The following GFRA2 variants were observed in gnomAD, a reference collection of about 807,000 sequenced individuals.
The protein encoded by GFRA2 is GDNF family receptor alpha 2.
Under a neutral mutation model 48.3 loss-of-function variants are expected in GFRA2, and 17 were observed. The observed-to-expected ratio is 0.35, with a 90% CI of 0.24 to 0.53. The LOEUF (loss-of-function observed/expected upper bound fraction) is 0.53. GFRA2 is among the 20% of genes least tolerant of loss of function. The probability of loss-of-function intolerance (pLI) is 0.93; values close to 1 mark genes in which losing one functional copy is unlikely to be tolerated. For synonymous variants in GFRA2, 305 were observed against 257.2 expected (o/e 1.19, Z -1.78); for missense variants, 660 against 637.3 (o/e 1.04, Z -0.38).
chr8:21,700,397 G>A (rs932985168), intron 7 of GFRA2, among the ~76,000 whole-genome samples: 4 of 152,184 alleles, frequency 2.6e-5, no homozygotes, highest in African/African-American at 2.4e-5. Flanking sequence ...CTAAGACATC[G>A]GCCACAGGGC....
At chr8:21,787,632 G>C (rs1266785536) in intron 1 of GFRA2, among the ~76,000 whole-genome samples, 3 of 152,200 alleles carry the variant, frequency 2.0e-5, no homozygotes, top group Admixed American at 6.5e-5. Context: ...GTCCAAGCGG[G>C]AGCCGCCGGA....
Position 21,772,165 on chromosome 8 carries a change from T to A in GFRA2, c.439+2807A>T, listed in dbSNP as rs1035134560. Among the ~76,000 whole-genome samples the A allele has an allele frequency of 1.8e-3, 269 of 152,298 alleles. 1 individual carries two copies. The highest frequency in any genetic ancestry group is 6.0e-3 in the African/African-American group (248 of 41,572). ...CTCATGTCCTCATTCAGACAGAAGA[T>A]CTGGCACATGAAATGAGCCTACCCA... is the stretch of plus-strand genomic sequence containing the variant. On this transcript the variant is annotated intron_variant, in intron 3 of 8. Coordinates refer to ENST00000524240, the MANE Select transcript of GFRA2 (RefSeq NM_001495.5).
At chr8:21,778,143 G>A (rs79855431) in intron 2 of GFRA2, among the ~76,000 whole-genome samples, 6,429 of 152,246 alleles carry the variant, frequency 0.042, 330 homozygotes, top group East Asian at 0.2. Context: ...TACACACATC[G>A]CTCCTCTCAG....
In GFRA2 at chr8:21,788,781, T is replaced by C. The variant is rs1452911246; in HGVS notation, c.-622A>G. 120 of 985,334 alleles carry C rather than the reference T, an allele frequency of 1.2e-4. No individual in the cohort carries two copies. Among genetic ancestry groups the C allele is most frequent in the Non-Finnish European group, 1.4e-4 (118 of 829,956 alleles). The allele number at this position is 985,334 out of a possible 1,614,324, so 61.0% of individuals were successfully genotyped here. A position where few individuals can be genotyped will look rare whatever the true frequency, so the allele number is the denominator to read the frequency against. ...TCACTTTTTTCTAATGGAATTCCAG[T>C]GACCGTGTGTCTCTGCGTGCGTGTG... is the stretch of plus-strand genomic sequence containing the variant. On this transcript the variant is annotated 5_prime_UTR_variant, in exon 1 of 9. Coordinates refer to ENST00000524240, the MANE Select transcript of GFRA2 (RefSeq NM_001495.5).
intron 4 of GFRA2, among the ~76,000 whole-genome samples, chr8:21,717,691 G>A (rs189601456): frequency 6.6e-6 from 1 of 152,190 alleles, no homozygotes; most frequent in Non-Finnish European, 1.5e-5. Flanking sequence ...AAGTGGCTGA[G>A]ACAGAAAAGC....
At chr8:21,800,552 G>A (rs1281710851) in intron 2 of GFRA2, among the ~76,000 whole-genome samples, 1 of 152,180 alleles carries the variant, frequency 6.6e-6, no homozygotes, top group Non-Finnish European at 1.5e-5. Flanking sequence ...TGTAGGATCT[G>A]GGCTTCTGTG....
At chr8:21,790,363 A>T (rs894614265), upstream of GFRA2, among the ~76,000 whole-genome samples, 22 of 152,252 alleles carry the variant, frequency 1.4e-4, no homozygotes, top group Admixed American at 6.5e-4. Flanking sequence ...GGCTGCACGT[A>T]ACATGAATTT....
intron 4 of GFRA2, among the ~76,000 whole-genome samples, chr8:21,730,772 C>G (rs1314139638): frequency 2.6e-5 from 4 of 152,216 alleles, no homozygotes; most frequent in Non-Finnish European, 4.4e-5. Flanking sequence ...GCAGCACGTG[C>G]TTTATTAATG....
chr8:21,769,376 G>A (rs978542588), intron 3 of GFRA2: 1 of 153,124 alleles, frequency 6.5e-6, no homozygotes, highest in Admixed American at 6.6e-5. Flanking sequence ...CAATTGCTTA[G>A]CACCTCCTGC....
rs939327476 is a variant in GFRA2, at chr8:21,713,070, G to A, written c.795-7029C>T. On this transcript the variant is annotated intron_variant, in intron 4 of 8. Coordinates refer to ENST00000524240, the MANE Select transcript of GFRA2 (RefSeq NM_001495.5). The stretch of plus-strand genomic sequence containing the variant: ...GGGAGAGGGAGACGAGGGAAAGGGA[G>A]AGGGAGAGGGAGAGGCAGAGGGAGA... Among the ~76,000 whole-genome samples, 13 of 147,630 alleles carry A rather than the reference G, an allele frequency of 8.8e-5. No individual in the cohort carries two copies. In the East Asian group the frequency reaches 2.3e-3, roughly 26 times the overall value.
chr8:21,744,777 C>T (rs1161635191), intron 4 of GFRA2, among the ~76,000 whole-genome samples: 1 of 152,192 alleles, frequency 6.6e-6, no homozygotes, highest in Non-Finnish European at 1.5e-5. Flanking sequence ...AACGTCTCTC[C>T]TGACCTATCC....
At position 21,810,415 on chromosome 8, in the gene GFRA2, T is replaced by C. The variant is rs559643046; in HGVS notation, c.-148+1816A>G. 2.6e-5 allele frequency among the ~76,000 whole-genome samples: 4 copies of C among 152,324 alleles called. No individual in the cohort carries two copies. The South Asian group carries it at 8.3e-4, about 32-fold the overall frequency. On this transcript the variant is annotated intron_variant, in intron 1 of 10. Transcript: ENST00000517328. ...ACAGTCCCGTCAAGTCCTCCCCTCC[T>C]GGACAGAGTCCTTCCTGGGCTTTTG... is the stretch of plus-strand genomic sequence containing the variant.
chr8:21,710,043 G>A (rs1802939961), intron 4 of GFRA2, among the ~76,000 whole-genome samples: 1 of 152,222 alleles, frequency 6.6e-6, no homozygotes, highest in Admixed American at 6.5e-5. Context: ...GGTGGGGCTG[G>A]CCAGAGGGAC....
At chr8:21,731,422 C>G (rs890083667) in intron 4 of GFRA2, among the ~76,000 whole-genome samples, 1 of 152,186 alleles carries the variant, frequency 6.6e-6, no homozygotes, top group South Asian at 2.1e-4. Flanking sequence ...ATGGCCAACT[C>G]TAACTCCAAA....
In GFRA2 at chr8:21,691,013, C is replaced by T. The variant is rs1034323666; in HGVS notation, c.*2265G>A. ...TCACTGTACCCCTTCCATGCAGAGG[C>T]TGGAAGGCAATACACCACAGTGATA... On this transcript the variant is annotated 3_prime_UTR_variant, in exon 9 of 9. Coordinates refer to ENST00000524240, the MANE Select transcript of GFRA2 (RefSeq NM_001495.5). 1 of 152,200 alleles carries T rather than the reference C, an allele frequency of 6.6e-6. No homozygotes were observed. Among genetic ancestry groups the T allele is most frequent in the Non-Finnish European group, 1.5e-5 (1 of 68,046 alleles). 9.4% of individuals were successfully genotyped at this position (152,200 alleles called of 1,614,324 possible). A position where few individuals can be genotyped will look rare whatever the true frequency, so the allele number is the denominator to read the frequency against.
At chr8:21,718,065 T>C (rs115432959) in intron 4 of GFRA2, among the ~76,000 whole-genome samples, 272 of 152,322 alleles carry the variant, frequency 1.8e-3, no homozygotes, top group African/African-American at 6.2e-3. Context: ...GAGGTAATAA[T>C]GCTACTTAAT....
In GFRA2 at chr8:21,786,392, C is replaced by A. The variant is rs1807269368; in HGVS notation, c.40+1728G>T. Among the ~76,000 whole-genome samples, 3 of 152,392 alleles carry A rather than the reference C, an allele frequency of 2.0e-5. No homozygotes were observed. In the East Asian group the frequency reaches 5.8e-4, roughly 29 times the overall value. The stretch of plus-strand genomic sequence containing the variant: ...GCCCATGCTGGGGTATGCAGCTCAG[C>A]AGTAGGCAATCTGGCTGTTTTGCCT... On this transcript the variant is annotated intron_variant, in intron 1 of 8. Transcript: ENST00000524240.
rs976371510 is a variant in GFRA2, at chr8:21,702,562, T to G, written c.1218+243A>C. Among the ~76,000 whole-genome samples the G allele has an allele frequency of 2.0e-5, 3 of 152,218 alleles. No individual in the cohort carries two copies. In the South Asian group the frequency reaches 6.2e-4, roughly 31 times the overall value. On this transcript the variant is annotated intron_variant, in intron 7 of 8. Coordinates refer to ENST00000524240, the MANE Select transcript of GFRA2 (RefSeq NM_001495.5). ...TGCACCGAGGCTGTGCCCCACTGCC[T>G]GTTCTTCAGACCCTATAGCCTGCAA... is the stretch of plus-strand genomic sequence containing the variant.
chr8:21,801,319 A>G (rs77760613), intron 2 of GFRA2, among the ~76,000 whole-genome samples: 80,330 of 151,418 alleles, frequency 0.53, 23,003 homozygotes, highest in African/African-American at 0.75. Context: ...AGGCAGGAGG[A>G]CAGGGCTAAT....
Sources: gnomAD v4.1 joint callset for allele counts (sites outside exome capture counted in the v4.1 genomes callset) on GRCh38, gnomAD v4.1.1 for gene constraint, MANE v1.5 for transcripts, NCBI Gene and HGNC (gene_info 2026-07-23, HGNC 2026-07-21) for gene names.